CFAP20DC: variants seen among roughly 807,000 people sequenced by gnomAD.
The protein encoded by CFAP20DC is CFAP20 domain containing.
In CFAP20DC, 84 loss-of-function variants were observed where a neutral mutation model predicts 101.7. That is an observed-to-expected ratio of 0.83 (90% confidence interval 0.69 to 0.99). CFAP20DC has a LOEUF of 0.99. CFAP20DC is among the 50% of genes least tolerant of loss of function. The pLI, the probability that CFAP20DC is intolerant of heterozygous loss-of-function variation, is 0.00. For synonymous variants in CFAP20DC, 359 were observed against 351.2 expected (o/e 1.02, Z -0.25); for missense variants, 1,007 against 970.3 (o/e 1.04, Z -0.50).
intron 6 of CFAP20DC, among the ~76,000 whole-genome samples, chr3:58,896,367 T>C (rs1476642131): frequency 6.6e-6 from 1 of 152,174 alleles, no homozygotes; most frequent in Non-Finnish European, 1.5e-5. Context: ...GAAAGGTATT[T>C]TGTGTCTCTA....
At chr3:58,803,506 C>T (rs1370431634) in intron 15 of CFAP20DC, among the ~76,000 whole-genome samples, 1 of 152,090 alleles carries the variant, frequency 6.6e-6, no homozygotes, top group Non-Finnish European at 1.5e-5. Context: ...ACAATAAATA[C>T]AGATCTTAAG....
intron 4 of CFAP20DC, chr3:58,953,396 A>G (rs1195265839): frequency 6.6e-6 from 1 of 152,196 alleles, no homozygotes; most frequent in Admixed American, 6.6e-5. Context: ...GTTCTCAGTT[A>G]AGTCTAATCA....
rs529070042 is a variant in CFAP20DC at position 59,013,511 on chromosome 3, A to G, written c.278+26046T>C. The stretch of plus-strand genomic sequence containing the variant: ...CAATTATGGAAGTTTACCTAAATTC[A>G]TTACACACAGAAAGGCTTTTGGGAG... On this transcript the variant is annotated intron_variant, in intron 4 of 16. Transcript: ENST00000482387. 5.1e-4 allele frequency among the ~76,000 whole-genome samples: 78 copies of G among 152,296 alleles called. 1 individual carries two copies. The highest frequency in any genetic ancestry group is 1.8e-3 in the African/African-American group (76 of 41,582).
chr3:58,805,940 T>C (rs2074022775), intron 15 of CFAP20DC, among the ~76,000 whole-genome samples: 2 of 152,220 alleles, frequency 1.3e-5, no homozygotes, highest in Admixed American at 6.5e-5. Context: ...TTATAAGCTA[T>C]CTTGATAAAT....
chr3:58,781,524 A>G (rs1223701046), intron 15 of CFAP20DC, among the ~76,000 whole-genome samples: 1 of 151,982 alleles, frequency 6.6e-6, no homozygotes, highest in Non-Finnish European at 1.5e-5. Flanking sequence ...GCTTTTTGAA[A>G]GATAAAATTG....
chr3:58,845,692 C>A (rs1323211517), intron 13 of CFAP20DC, among the ~76,000 whole-genome samples: 4 of 151,638 alleles, frequency 2.6e-5, no homozygotes, highest in Admixed American at 2.0e-4. Context: ...ATACCAAAGC[C>A]GGGCAGAGAC....
chr3:58,961,530 G>C (rs763975112), intron 4 of CFAP20DC, among the ~76,000 whole-genome samples: 2 of 151,938 alleles, frequency 1.3e-5, no homozygotes, highest in East Asian at 3.9e-4. Flanking sequence ...CTCCAGCCTG[G>C]GCAACAAGAA....
chr3:58,763,212 T>C (rs1235069834), intron 15 of CFAP20DC, among the ~76,000 whole-genome samples: 5 of 152,226 alleles, frequency 3.3e-5, no homozygotes, highest in Non-Finnish European at 5.9e-5. Context: ...CATAGTCCCA[T>C]ATTTCTTGGA....
chr3:59,037,552 A>G (rs2094126522), intron 4 of CFAP20DC, among the ~76,000 whole-genome samples: 1 of 152,232 alleles, frequency 6.6e-6, no homozygotes, highest in Admixed American at 6.5e-5. Flanking sequence ...ACTGGTCTTG[A>G]GAGAAATGCA....
At chr3:58,839,248 C>A (rs1435508660) in intron 13 of CFAP20DC, among the ~76,000 whole-genome samples, 2 of 152,196 alleles carry the variant, frequency 1.3e-5, no homozygotes, top group Non-Finnish European at 2.9e-5. Flanking sequence ...GGGGTAGCAG[C>A]CCATTGTGGT....
At chr3:58,888,336 G>A (rs896914971) in intron 6 of CFAP20DC, among the ~76,000 whole-genome samples, 1 of 152,150 alleles carries the variant, frequency 6.6e-6, no homozygotes, top group Non-Finnish European at 1.5e-5. Context: ...GAGTGACCCT[G>A]TCCTTGCCTC....
At chr3:58,745,122 C>T (rs2068104885) in intron 16 of CFAP20DC, among the ~76,000 whole-genome samples, 1 of 152,236 alleles carries the variant, frequency 6.6e-6, no homozygotes, top group Admixed American at 6.5e-5. Context: ...TCAGAGTCCC[C>T]AGGGCCCTGC....
At chr3:58,723,926 G>A (rs549783390) in intron 3 of CFAP20DC, among the ~76,000 whole-genome samples, 2 of 152,202 alleles carry the variant, frequency 1.3e-5, no homozygotes, top group Non-Finnish European at 2.9e-5. Flanking sequence ...CGTGAATTCT[G>A]ACAGAAGAGG....
intron 5 of CFAP20DC, among the ~76,000 whole-genome samples, chr3:58,932,378 A>G (rs1039782361): frequency 2.6e-5 from 4 of 152,304 alleles, no homozygotes; most frequent in African/African-American, 9.6e-5. Context: ...AACTTCCCCA[A>G]TCTAGCAAGG....
intron 14 of CFAP20DC, among the ~76,000 whole-genome samples, chr3:58,816,534 G>C (rs1449076743): frequency 3.3e-5 from 5 of 152,160 alleles, no homozygotes; most frequent in Non-Finnish European, 5.9e-5. Flanking sequence ...GGTGACGGAC[G>C]CATCTGGAAA....
At chr3:59,048,520 C>G (rs555767238) in intron 1 of CFAP20DC, among the ~76,000 whole-genome samples, 1 of 152,270 alleles carries the variant, frequency 6.6e-6, no homozygotes, top group South Asian at 2.1e-4. Flanking sequence ...CTGCTTTTTG[C>G]TTTCCCATGT....
At chr3:58,999,484 G>T (rs1308893822) in intron 4 of CFAP20DC, among the ~76,000 whole-genome samples, 1 of 152,114 alleles carries the variant, frequency 6.6e-6, no homozygotes, top group African/African-American at 2.4e-5. Context: ...TTAAACGAAA[G>T]GAGTGAGGGA....
At chr3:59,019,710 T>C (rs1003383435) in intron 4 of CFAP20DC, among the ~76,000 whole-genome samples, 2 of 152,088 alleles carry the variant, frequency 1.3e-5, no homozygotes, top group African/African-American at 2.4e-5. Flanking sequence ...CAAAATGTAC[T>C]GAGGATGTCA....
chr3:58,875,617 T>A (rs1186575111), intron 7 of CFAP20DC, among the ~76,000 whole-genome samples: 1 of 152,206 alleles, frequency 6.6e-6, no homozygotes, highest in African/African-American at 2.4e-5. Flanking sequence ...TTTTTCATAT[T>A]CTTTCTCTAT....
Sources: gnomAD v4.1 joint callset for allele counts (sites outside exome capture counted in the v4.1 genomes callset) on GRCh38, gnomAD v4.1.1 for gene constraint, MANE v1.5 for transcripts, NCBI Gene and HGNC (gene_info 2026-07-23, HGNC 2026-07-21) for gene names.